The following MSRA variants were observed in gnomAD, a reference collection of about 807,000 sequenced individuals.
MSRA encodes methionine sulfoxide reductase A, also known as mitochondrial peptide methionine sulfoxide reductase.
MSRA carries 54 observed loss-of-function variants against 31.3 expected under a neutral mutation model. That is an observed-to-expected ratio of 1.73 (90% CI 1.39 to 2.17). The LOEUF (loss-of-function observed/expected upper bound fraction) is 2.17, where lower values mean the gene tolerates loss of function less well. Ranked by LOEUF, MSRA falls within the 30% of genes most tolerant of loss-of-function variation. The probability of loss-of-function intolerance (pLI) is 0.00; values close to 1 mark genes in which losing one functional copy is unlikely to be tolerated. For missense variants in MSRA, 507 were observed against 300.9 expected, an observed-to-expected ratio of 1.69 and a Z score of -5.07; for synonymous variants, 169 against 116.5, an observed-to-expected ratio of 1.45 and a Z score of -2.90.
At chr8:10,389,326 T>C (rs1033561251) in intron 5 of MSRA, among the ~76,000 whole-genome samples, 1 of 152,218 alleles carries the variant, frequency 6.6e-6, no homozygotes, top group Non-Finnish European at 1.5e-5. Context: ...TAGATGATTT[T>C]TGAGGCATGG....
intron 5 of MSRA, among the ~76,000 whole-genome samples, chr8:10,325,870 A>G (rs1370495609): frequency 1.3e-5 from 2 of 152,224 alleles, no homozygotes; most frequent in African/African-American, 4.8e-5. Context: ...AGCTTGAACA[A>G]GCTCCTGAAA....
At chr8:10,215,986 T>C (rs60351321) in intron 2 of MSRA, among the ~76,000 whole-genome samples, 43 of 152,140 alleles carry the variant, frequency 2.8e-4, no homozygotes, top group African/African-American at 1.0e-3. Flanking sequence ...GTTAATTAAC[T>C]TTTTTAAGAA....
chr8:10,211,480 A>G (rs994999416), intron 2 of MSRA, among the ~76,000 whole-genome samples: 1 of 152,114 alleles, frequency 6.6e-6, no homozygotes, highest in Non-Finnish European at 1.5e-5. Flanking sequence ...CCTGTGTGTG[A>G]TGCTGTCTTT....
intron 2 of MSRA, 32 bp from the exon 3 acceptor site, chr8:10,245,072 G>A (rs759038673): frequency 2.5e-6 from 4 of 1,606,040 alleles, no homozygotes; most frequent in Non-Finnish European, 3.4e-6. Flanking sequence ...TGAATAATCA[G>A]TATCCTTTTT....
chr8:10,147,000 C>T (rs1306832927), intron 1 of MSRA, among the ~76,000 whole-genome samples: 1 of 152,196 alleles, frequency 6.6e-6, no homozygotes, highest in African/African-American at 2.4e-5. Flanking sequence ...GGGACGCCAG[C>T]TGGGGCCTTG....
At chr8:10,191,705 C>G (rs1284297648) in intron 1 of MSRA, among the ~76,000 whole-genome samples, 1 of 150,920 alleles carries the variant, frequency 6.6e-6, no homozygotes, top group Non-Finnish European at 1.5e-5. Flanking sequence ...ATTTGTAAAT[C>G]AGTTAGACTG....
At chr8:10,250,219 G>A (rs1344988891) in intron 3 of MSRA, among the ~76,000 whole-genome samples, 1 of 152,126 alleles carries the variant, frequency 6.6e-6, no homozygotes, top group Non-Finnish European at 1.5e-5. Context: ...GAGCTATTCA[G>A]ATTCCTGAAT....
intron 5 of MSRA, among the ~76,000 whole-genome samples, chr8:10,405,717 TCA>T (rs1336957556): frequency 2.0e-5 from 3 of 152,108 alleles, no homozygotes; most frequent in Non-Finnish European, 2.9e-5. Flanking sequence ...AACCATGTGC[TCA>T]CACACACAAT....
intron 1 of MSRA, among the ~76,000 whole-genome samples, chr8:10,179,696 C>G (rs1048588647): frequency 1.3e-5 from 2 of 152,136 alleles, no homozygotes; most frequent in Non-Finnish European, 2.9e-5. Flanking sequence ...GGTTTATGTT[C>G]CAGTTCCAAA....
intron 3 of MSRA, among the ~76,000 whole-genome samples, chr8:10,265,961 T>C (rs1798726929): frequency 6.6e-6 from 1 of 152,224 alleles, no homozygotes; most frequent in East Asian, 1.9e-4. Flanking sequence ...CTGAATGATA[T>C]TCTCTTGTAT....
intron 5 of MSRA, chr8:10,336,906 G>C (rs189295913): frequency 1.3e-5 from 2 of 152,198 alleles, no homozygotes; most frequent in Non-Finnish European, 2.9e-5. Flanking sequence ...ACAAAGACAG[G>C]CATAGAAATT....
intron 5 of MSRA, among the ~76,000 whole-genome samples, chr8:10,379,424 G>A (rs970900815): frequency 3.9e-5 from 6 of 152,168 alleles, no homozygotes; most frequent in Non-Finnish European, 8.8e-5. Context: ...CATTTCACTC[G>A]CAGGTGGCGT....
At chr8:10,126,469 C>T (rs1468592234) in intron 1 of MSRA, among the ~76,000 whole-genome samples, 1 of 152,108 alleles carries the variant, frequency 6.6e-6, no homozygotes, top group African/African-American at 2.4e-5. Context: ...TTTCAGGATG[C>T]GGCTGTTCCA....
chr8:10,055,286 A>C (rs576414782), intron 1 of MSRA, among the ~76,000 whole-genome samples: 1 of 152,248 alleles, frequency 6.6e-6, no homozygotes. Context: ...ACAACTTTCT[A>C]GTCGTTCTCA....
chr8:10,077,600 G>T (rs1348241423), intron 1 of MSRA, among the ~76,000 whole-genome samples: 2 of 149,666 alleles, frequency 1.3e-5, no homozygotes, highest in Non-Finnish European at 3.0e-5. Context: ...TGGAATTACA[G>T]CCATGAGTCC....
chr8:10,331,431 T>C (rs1211973324), intron 5 of MSRA, among the ~76,000 whole-genome samples: 1 of 152,196 alleles, frequency 6.6e-6, no homozygotes, highest in Non-Finnish European at 1.5e-5. Flanking sequence ...TGCTTTCTCC[T>C]GTATTTTGCT....
intron 2 of MSRA, among the ~76,000 whole-genome samples, chr8:10,233,388 T>C (rs1811658892): frequency 2.6e-5 from 4 of 152,254 alleles, no homozygotes; most frequent in African/African-American, 9.6e-5. Flanking sequence ...AGAAATGAAA[T>C]ATAAATTGAC....
chr8:10,236,504 C>G (rs1010371267), intron 2 of MSRA, among the ~76,000 whole-genome samples: 5 of 152,136 alleles, frequency 3.3e-5, no homozygotes, highest in African/African-American at 1.2e-4. Flanking sequence ...AACAGCACCA[C>G]AAATCATGGG....
At chr8:10,305,833 C>G (rs1005398351) in intron 4 of MSRA, among the ~76,000 whole-genome samples, 1 of 152,174 alleles carries the variant, frequency 6.6e-6, no homozygotes, top group Non-Finnish European at 1.5e-5. Flanking sequence ...GACAGTGAGT[C>G]TGAAGAGGAT....
Sources: gnomAD v4.1 joint callset for allele counts (sites outside exome capture counted in the v4.1 genomes callset) on GRCh38, gnomAD v4.1.1 for gene constraint, MANE v1.5 for transcripts, NCBI Gene and HGNC (gene_info 2026-07-23, HGNC 2026-07-21) for gene names.